Variants in ZNF81 observed in about 807,000 individuals in gnomAD.
ZNF81 encodes zinc finger protein 81.
Under a neutral mutation model 32.3 loss-of-function variants are expected in ZNF81, and 5 were observed. The ratio of observed to expected loss-of-function variants is 0.15; its 90% CI spans 0.08 to 0.33. The LOEUF (loss-of-function observed/expected upper bound fraction) is 0.33. Among genes scored for constraint, ZNF81 ranks in the 10% least tolerant of loss-of-function variants. The probability of loss-of-function intolerance (pLI) is 1.00; values close to 1 mark genes in which losing one functional copy is unlikely to be tolerated. For missense variants in ZNF81, 379 were observed against 479.8 expected (o/e 0.79, Z 1.96); for synonymous variants, 163 against 166.8 (o/e 0.98, Z 0.17).
Position 47,895,880 on chromosome X carries a change from T to G in ZNF81, c.217T>G (p.Leu73Val), listed in dbSNP as rs199507337. 15 of 1,209,252 alleles carry G rather than the reference T, an allele frequency of 1.2e-5. No homozygotes were observed. The African/African-American group carries it at 2.1e-4, about 17-fold the overall frequency. Reference sequence around the variant, plus strand: ...TCCTAAACCAGAGGTCATCTTCAAGTTGGAGCAAGGAGAGGGGCCATGGAC... The same window carrying G: ...TCCTAAACCAGAGGTCATCTTCAAGGTGGAGCAAGGAGAGGGGCCATGGAC... Reference protein sequence around the residue: ...EVPKPEVIFKLEQGEGPWTLE... With the variant: ...EVPKPEVIFKVEQGEGPWTLE... The change falls in exon 4 of 5, where the codon TTG (leucine) becomes GTG (valine). Residue 73 changes from leucine to valine, a missense_variant. Physicochemically the swap from Leu to Val is conservative, Grantham distance 32. This residue lies in a region of ZNF81 where 277 missense variants were observed against 306.6 expected (regional missense o/e 0.90). Transcript: ENST00000338637.
At chrX:47,908,095 T>G (rs1054178758) in intron 4 of ZNF81, among the ~76,000 whole-genome samples, 10 of 111,354 alleles carry the variant, frequency 9.0e-5, no homozygotes, top group Non-Finnish European at 1.5e-4. Context: ...AAGACATCAT[T>G]AAGAAAGTTA....
At chrX:47,838,315 C>T (rs2058433199) in intron 1 of ZNF81, among the ~76,000 whole-genome samples, 1 of 111,676 alleles carries the variant, frequency 9.0e-6, no homozygotes, top group Admixed American at 9.5e-5. Context: ...CTTTTCTTCC[C>T]TTATTACACT....
intron 2 of ZNF81, among the ~76,000 whole-genome samples, chrX:47,870,303 C>A (rs1486495847): frequency 1.8e-5 from 2 of 112,018 alleles, no homozygotes; most frequent in East Asian, 5.6e-4. Context: ...GGGAGTGATA[C>A]CATGCTTGCT....
Position 47,916,187 on chromosome X carries a change from A to G in ZNF81, c.1541A>G (p.Asn514Ser), listed in dbSNP as rs782188387. The G allele has an allele frequency of 1.7e-6, 2 of 1,211,419 alleles. No individual in the cohort carries two copies. The highest frequency in any genetic ancestry group is 1.8e-5 in the South Asian group (1 of 56,977). The change falls in exon 5 of 5, where the codon AAT (asparagine) becomes AGT (serine). Residue 514 changes from asparagine (N) to serine (S), a missense_variant. Asn to Ser is a conservative substitution (Grantham distance 46). Transcript: ENST00000338637. Reference sequence around the variant, plus strand: ...GCTTTCACCAACAGGTCAAATCTCAATACTCACCAGAAGTCTCATACTGGA... The same window carrying G: ...GCTTTCACCAACAGGTCAAATCTCAGTACTCACCAGAAGTCTCATACTGGA... The part of the protein sequence containing the change: ...GKAFTNRSNL[N>S]THQKSHTGEK...
chrX:47,852,061 C>G (rs2058497732), intron 2 of ZNF81, among the ~76,000 whole-genome samples: 1 of 112,812 alleles, frequency 8.9e-6, no homozygotes, highest in Non-Finnish European at 1.9e-5. Flanking sequence ...TAAAGAGAGT[C>G]ATACAAATTT....
chrX:47,837,679 T>C (rs1021048662), intron 1 of ZNF81, among the ~76,000 whole-genome samples: 9 of 112,563 alleles, frequency 8.0e-5, no homozygotes, highest in African/African-American at 2.9e-4. Context: ...CATACTTGTG[T>C]GTGGGCTCTT....
At chrX:47,863,929 C>T (rs1240894183) in intron 2 of ZNF81, among the ~76,000 whole-genome samples, 7 of 111,643 alleles carry the variant, frequency 6.3e-5, no homozygotes, top group Non-Finnish European at 1.1e-4. Flanking sequence ...TCACTGCCAC[C>T]CAGAGGGTTA....
At chrX:47,864,015 C>G (rs984618149) in intron 2 of ZNF81, among the ~76,000 whole-genome samples, 3 of 111,682 alleles carry the variant, frequency 2.7e-5, no homozygotes, top group Non-Finnish European at 3.8e-5. Flanking sequence ...GACAGAATTT[C>G]AGATTTTCAA....
At chrX:47,911,519 A>G (rs1310536631) in intron 4 of ZNF81, among the ~76,000 whole-genome samples, 2 of 111,957 alleles carry the variant, frequency 1.8e-5, no homozygotes, top group African/African-American at 6.5e-5. Context: ...CATCATTCAA[A>G]TGTTGAGCAT....
intron 4 of ZNF81, among the ~76,000 whole-genome samples, chrX:47,905,595 C>T (rs1182961630): frequency 9.1e-6 from 1 of 110,325 alleles, no homozygotes; most frequent in Non-Finnish European, 1.9e-5. Context: ...AACTGGGGAA[C>T]CCTAGCCATC....
At chrX:47,897,722 C>T (rs2058684530) in intron 4 of ZNF81, among the ~76,000 whole-genome samples, 1 of 112,071 alleles carries the variant, frequency 8.9e-6, no homozygotes, top group South Asian at 3.7e-4. Flanking sequence ...ATACTGATAT[C>T]TAATTGTTCC....
At chrX:47,883,502 A>G (rs1353223525) in intron 2 of ZNF81, among the ~76,000 whole-genome samples, 1 of 112,140 alleles carries the variant, frequency 8.9e-6, no homozygotes, top group African/African-American at 3.2e-5. Context: ...AACCTCTTAC[A>G]TTTCCTTCTA....
chrX:47,870,465 T>C (rs1167303062), intron 2 of ZNF81, among the ~76,000 whole-genome samples: 2 of 112,761 alleles, frequency 1.8e-5, no homozygotes, highest in Non-Finnish European at 3.7e-5. Context: ...TGATAGAGCA[T>C]ATAATAGTTT....
intron 3 of ZNF81, among the ~76,000 whole-genome samples, chrX:47,888,983 A>G (rs1371611449): frequency 8.9e-6 from 1 of 112,032 alleles, no homozygotes; most frequent in Non-Finnish European, 1.9e-5. Context: ...CTGAATATTT[A>G]GCTGAGGAGA....
intron 2 of ZNF81, among the ~76,000 whole-genome samples, chrX:47,870,717 T>C (rs1391488383): frequency 1.8e-5 from 2 of 112,506 alleles, no homozygotes; most frequent in African/African-American, 6.5e-5. Context: ...TGCCACCAGG[T>C]TCCTGGTATG....
rs909735005 is a variant in ZNF81 at position 47,918,318 on chromosome X, G to A, written c.*1686G>A. The A allele has an allele frequency of 9.0e-6, 1 of 111,404 alleles. No individual in the cohort carries two copies. Among genetic ancestry groups the A allele is most frequent in the African/African-American group, 3.3e-5 (1 of 30,638 alleles). The allele number at this position is 111,404 out of a possible 1,213,427, so 9.2% of individuals were successfully genotyped here. A position where few individuals can be genotyped will look rare whatever the true frequency, so the allele number is the denominator to read the frequency against. ...AGGGTAAAGATCAAATCATGGTTGT[G>A]TCTGTAAGACTCTTTATTACAGTGT... is the stretch of plus-strand genomic sequence containing the variant. On this transcript the variant is annotated 3_prime_UTR_variant, in exon 5 of 5. Transcript: ENST00000338637.
chrX:47,875,463 C>G (rs781958822), intron 2 of ZNF81, among the ~76,000 whole-genome samples: 2 of 112,310 alleles, frequency 1.8e-5, no homozygotes, highest in Non-Finnish European at 3.8e-5. Context: ...TGCAGGCTTT[C>G]CCATATTTTT....
chrX:47,913,024 A>T lies in ZNF81; in HGVS notation c.278-1900A>T, dbSNP rs782087569. ...TTTTTGTTAGATATATATATATATA[A>T]TGTAGGTCCAAGAAAACAATTACAT... On this transcript the variant is annotated intron_variant, in intron 4 of 4. Coordinates refer to ENST00000338637, the MANE Select transcript of ZNF81 (RefSeq NM_007137.5). Among the ~76,000 whole-genome samples the T allele has an allele frequency of 2.7e-5, 3 of 110,584 alleles. No individual in the cohort carries two copies. In the Admixed American group the frequency reaches 2.9e-4, roughly 11 times the overall value.
At chrX:47,889,140 C>T (rs2058653495) in intron 3 of ZNF81, among the ~76,000 whole-genome samples, 1 of 111,689 alleles carries the variant, frequency 9.0e-6, no homozygotes, top group Admixed American at 9.5e-5. Context: ...ATCCATATGG[C>T]AAAAATTCAG....
Sources: gnomAD v4.1 joint callset for allele counts (sites outside exome capture counted in the v4.1 genomes callset) on GRCh38, gnomAD v4.1.1 for gene constraint, gnomAD v4.1.1 regional missense constraint, MANE v1.5 for transcripts, NCBI Gene and HGNC (gene_info 2026-07-23, HGNC 2026-07-21) for gene names.